Variants in LRRC7 observed in about 807,000 individuals in gnomAD.
LRRC7 encodes the protein leucine-rich repeat-containing protein 7.
In LRRC7, 23 loss-of-function variants were observed where a neutral mutation model predicts 175.7. That is an observed-to-expected ratio of 0.13 (90% confidence interval 0.09 to 0.19). The LOEUF (loss-of-function observed/expected upper bound fraction) is 0.19, where lower values mean the gene tolerates loss of function less well. Among genes scored for constraint, LRRC7 ranks in the 10% least tolerant of loss-of-function variants. The pLI, the probability that LRRC7 is intolerant of heterozygous loss-of-function variation, is 1.00. For synonymous variants in LRRC7, 685 were observed against 680.9 expected, an observed-to-expected ratio of 1.01 and a Z score of -0.09; for missense variants, 1,354 against 1,904.7, an observed-to-expected ratio of 0.71 and a Z score of 5.38.
At chr1:69,751,105 G>A (rs1485590372) in intron 2 of LRRC7, among the ~76,000 whole-genome samples, 1 of 152,108 alleles carries the variant, frequency 6.6e-6, no homozygotes, top group Non-Finnish European at 1.5e-5. Context: ...ATTAATTAAT[G>A]TCTTAAATGT....
At chr1:69,656,814 G>A (rs1416074487) in intron 1 of LRRC7, among the ~76,000 whole-genome samples, 2 of 151,848 alleles carry the variant, frequency 1.3e-5, no homozygotes, top group Non-Finnish European at 2.9e-5. Flanking sequence ...CCATGTTATT[G>A]TAATGAGAGG....
chr1:69,916,998 CATT>C (rs1406902855), intron 7 of LRRC7, among the ~76,000 whole-genome samples: 4 of 152,058 alleles, frequency 2.6e-5, no homozygotes, highest in African/African-American at 9.7e-5. Flanking sequence ...ACAGGAATAA[CATT>C]ACAGGCAGGA....
chr1:69,687,520 C>CAAAAAAAAAAAAAAAAAA (rs551726376), intron 2 of LRRC7, among the ~76,000 whole-genome samples: 136 of 96,376 alleles, frequency 1.4e-3, no homozygotes, highest in Middle Eastern at 8.2e-3. Flanking sequence ...AAGAAAAAAC[C>CAAAAAAAAAAAAAAAAAA]AAAAAAAAAA....
intron 25 of LRRC7, among the ~76,000 whole-genome samples, chr1:70,093,970 G>T (rs1664212915): frequency 6.6e-6 from 1 of 152,144 alleles, no homozygotes; most frequent in African/African-American, 2.4e-5. Flanking sequence ...GCAAATGAGA[G>T]AATTTTTAAT....
intron 20 of LRRC7, 56 bp downstream of exon 20, chr1:70,036,680 A>C: frequency 6.6e-7 from 1 of 1,517,976 alleles, no homozygotes; most frequent in Non-Finnish European, 8.9e-7. Flanking sequence ...GCAACTTTTT[A>C]AAAAATGGAA....
chr1:69,794,499 C>T (rs535624958), intron 4 of LRRC7, among the ~76,000 whole-genome samples: 1 of 152,258 alleles, frequency 6.6e-6, no homozygotes, highest in African/African-American at 2.4e-5. Flanking sequence ...AATAGATTTA[C>T]CTATTTGTAT....
chr1:70,059,051 A>G (rs1451520977), intron 23 of LRRC7, among the ~76,000 whole-genome samples: 1 of 152,202 alleles, frequency 6.6e-6, no homozygotes, highest in Admixed American at 6.5e-5. Flanking sequence ...AAACCAATGA[A>G]ACCAAACACT....
In LRRC7 at chr1:69,595,375, G is replaced by A. The variant is rs112259501; in HGVS notation, c.2+26734G>A. On this transcript the variant is annotated intron_variant, in intron 1 of 26. Coordinates refer to ENST00000651989, the MANE Select transcript of LRRC7 (RefSeq NM_001370785.2). ...GCGGAATTTGCAGTGAGCCGAGATC[G>A]TGCCATTGCACTCCAGCCTGGCGAC... Among the ~76,000 whole-genome samples the A allele has an allele frequency of 7.2e-3, 1,103 of 152,236 alleles. 7 individuals carry two copies. Among genetic ancestry groups the A allele is most frequent in the African/African-American group, 0.024 (1,005 of 41,550 alleles).
At chr1:69,858,074 C>T (rs1316237453) in intron 7 of LRRC7, among the ~76,000 whole-genome samples, 1 of 152,112 alleles carries the variant, frequency 6.6e-6, no homozygotes. Context: ...AAAGCTGAAA[C>T]TGGATCCCTT....
chr1:69,827,760 G>A (rs1680087602), intron 5 of LRRC7, among the ~76,000 whole-genome samples: 1 of 152,016 alleles, frequency 6.6e-6, no homozygotes, highest in Non-Finnish European at 1.5e-5. Context: ...AATCACTTTA[G>A]CCTGGGAGGA....
intron 26 of LRRC7, among the ~76,000 whole-genome samples, chr1:70,118,322 T>C (rs938479791): frequency 6.6e-6 from 1 of 151,626 alleles, no homozygotes; most frequent in Non-Finnish European, 1.5e-5. Flanking sequence ...CTGAGATTTA[T>C]TCTATTATCT....
intron 1 of LRRC7, among the ~76,000 whole-genome samples, chr1:69,593,452 G>A (rs1184795239): frequency 6.6e-6 from 1 of 152,086 alleles, no homozygotes; most frequent in Non-Finnish European, 1.5e-5. Context: ...GCAAATAGGA[G>A]ATATTGATTT....
chr1:70,142,041 AGTCAG>A lies in LRRC7; in HGVS notation c.*20156_*20160del, dbSNP rs1667081890. 1 of 152,250 alleles carries A rather than the reference AGTCAG, an allele frequency of 6.6e-6. No homozygotes were observed. Among genetic ancestry groups the A allele is most frequent in the African/African-American group, 2.4e-5 (1 of 41,552 alleles). The allele number at this position is 152,250 out of a possible 1,614,324, so 9.4% of individuals were successfully genotyped here. A position where few individuals can be genotyped will look rare whatever the true frequency, so the allele number is the denominator to read the frequency against. On this transcript the variant is annotated 3_prime_UTR_variant, in exon 27 of 27. Transcript: ENST00000651989. Reference sequence around the variant, plus strand: ...CTCTACTAAAGAATATTTCTTATTTAGTCAGGAAATCTTATGTAATATTTTTGGAC... The same window carrying A: ...CTCTACTAAAGAATATTTCTTATTTAGAAATCTTATGTAATATTTTTGGAC...
chr1:70,034,903 A>T (rs1659144396), intron 18 of LRRC7, among the ~76,000 whole-genome samples: 1 of 152,212 alleles, frequency 6.6e-6, no homozygotes, highest in Non-Finnish European at 1.5e-5. Flanking sequence ...TTAAACCAAG[A>T]TGTGCTTCTC....
intron 26 of LRRC7, among the ~76,000 whole-genome samples, chr1:70,117,580 TTAAA>T (rs879436687): frequency 1.6e-4 from 25 of 152,076 alleles, no homozygotes; most frequent in African/African-American, 4.1e-4. Context: ...AAATAAAAAA[TTAAA>T]TAAAGGAGAG....
chr1:69,685,357 A>G (rs1265531621), intron 2 of LRRC7, among the ~76,000 whole-genome samples: 1 of 147,696 alleles, frequency 6.8e-6, no homozygotes, highest in African/African-American at 2.5e-5. Flanking sequence ...AACCAGAAAA[A>G]CCACAGTCTG....
At chr1:69,785,158 A>G (rs1001884713) in intron 3 of LRRC7, among the ~76,000 whole-genome samples, 3 of 152,152 alleles carry the variant, frequency 2.0e-5, no homozygotes, top group African/African-American at 7.2e-5. Context: ...ATATCCTGCT[A>G]TGATAACAGT....
chr1:70,025,919 G>C (rs1003841991), intron 17 of LRRC7, among the ~76,000 whole-genome samples: 1 of 151,920 alleles, frequency 6.6e-6, no homozygotes, highest in Non-Finnish European at 1.5e-5. Context: ...GAGGTGTGTA[G>C]CTTAAGCTTC....
intron 1 of LRRC7, among the ~76,000 whole-genome samples, chr1:69,647,388 C>T (rs1384591431): frequency 2.6e-5 from 4 of 152,164 alleles, no homozygotes; most frequent in Non-Finnish European, 4.4e-5. Flanking sequence ...AGTGCTAGAA[C>T]TCAAGTGGAT....
Sources: gnomAD v4.1 joint callset for allele counts (sites outside exome capture counted in the v4.1 genomes callset) on GRCh38, gnomAD v4.1.1 for gene constraint, MANE v1.5 for transcripts, NCBI Gene and HGNC (gene_info 2026-07-23, HGNC 2026-07-21) for gene names.